The following IKZF2 variants were observed in gnomAD, a reference collection of about 807,000 sequenced individuals.
IKZF2 encodes the protein IKAROS family zinc finger 2.
IKZF2 carries 15 observed loss-of-function variants against 49.2 expected under a neutral mutation model. The observed-to-expected ratio is 0.30, with a 90% CI of 0.20 to 0.47. The LOEUF (loss-of-function observed/expected upper bound fraction) is 0.47. Among genes scored for constraint, IKZF2 ranks in the 20% least tolerant of loss-of-function variants. The probability of loss-of-function intolerance (pLI) is 1.00; values close to 1 mark genes in which losing one functional copy is unlikely to be tolerated. For missense variants in IKZF2, 567 were observed against 664.6 expected, an observed-to-expected ratio of 0.85 and a Z score of 1.61; for synonymous variants, 227 against 221.4, an observed-to-expected ratio of 1.03 and a Z score of -0.23.
At chr2:213,105,558 G>A (rs10497992) in intron 4 of IKZF2, among the ~76,000 whole-genome samples, 124,456 of 143,190 alleles carry the variant, frequency 0.87, 54,030 homozygotes, top group African/African-American at 0.91. Flanking sequence ...TTTATCTGGC[G>A]TATTTAAAGA....
At chr2:213,103,086 T>G (rs1706903543) in intron 4 of IKZF2, among the ~76,000 whole-genome samples, 1 of 152,188 alleles carries the variant, frequency 6.6e-6, no homozygotes, top group Non-Finnish European at 1.5e-5. Context: ...TAGAGGGGGC[T>G]TAAATATACA....
intron 4 of IKZF2, among the ~76,000 whole-genome samples, chr2:213,114,135 T>C (rs1166124488): frequency 6.6e-6 from 1 of 152,258 alleles, no homozygotes; most frequent in South Asian, 2.1e-4. Context: ...TCAGTGTTTA[T>C]ATTTGCTAAG....
At chr2:213,070,545 A>C (rs1400933685) in intron 4 of IKZF2, among the ~76,000 whole-genome samples, 2 of 152,106 alleles carry the variant, frequency 1.3e-5, no homozygotes, top group Non-Finnish European at 2.9e-5. Flanking sequence ...TAACAGAAAA[A>C]CAAATAAGCA....
Position 213,107,204 on chromosome 2 carries a change from C to T in IKZF2, c.139+40504G>A, listed in dbSNP as rs555910675. Among the ~76,000 whole-genome samples, 19 of 151,822 alleles carry T rather than the reference C, an allele frequency of 1.3e-4. No individual in the cohort carries two copies. The East Asian group carries it at 3.7e-3, about 29-fold the overall frequency. On this transcript the variant is annotated intron_variant, in intron 4 of 8. Coordinates refer to ENST00000434687, the MANE Select transcript of IKZF2 (RefSeq NM_001387220.1). ...AAGCACTCAGGCTGTTAACACAAGA[C>T]AAAAAAAATAATAGTCCTCAGAAGA... is the stretch of plus-strand genomic sequence containing the variant.
chr2:213,135,334 A>G (rs2060617976), intron 4 of IKZF2, among the ~76,000 whole-genome samples: 1 of 152,206 alleles, frequency 6.6e-6, no homozygotes, highest in Admixed American at 6.5e-5. Flanking sequence ...ACTTCATGCT[A>G]TGAATGAATA....
intron 4 of IKZF2, among the ~76,000 whole-genome samples, chr2:213,134,584 A>C (rs2060588174): frequency 6.6e-6 from 1 of 152,230 alleles, no homozygotes; most frequent in Non-Finnish European, 1.5e-5. Flanking sequence ...TAATTGGCTA[A>C]TTGTTCTAGA....
At position 213,089,946 on chromosome 2, in the gene IKZF2, G is replaced by C. The variant is rs552035815; in HGVS notation, c.140-32847C>G. ...TCAAGAGACACTTCCTGATACTCTGGGCACTAGCAGAGCTTCTTTAAGGCC... is the reference window on the plus strand; with the variant it reads ...TCAAGAGACACTTCCTGATACTCTGCGCACTAGCAGAGCTTCTTTAAGGCC... On this transcript the variant is annotated intron_variant, in intron 4 of 8. Coordinates refer to ENST00000434687, the MANE Select transcript of IKZF2 (RefSeq NM_001387220.1). Among the ~76,000 whole-genome samples, 45 of 152,210 alleles carry C rather than the reference G, an allele frequency of 3.0e-4. 1 individual carries two copies. Among genetic ancestry groups the C allele is most frequent in the African/African-American group, 1.0e-3 (42 of 41,546 alleles).
chr2:213,138,460 A>C (rs1332344585), intron 4 of IKZF2, among the ~76,000 whole-genome samples: 2 of 152,056 alleles, frequency 1.3e-5, no homozygotes, highest in Non-Finnish European at 2.9e-5. Context: ...GATTATTTCA[A>C]CAACTAAGAA....
chr2:213,052,445 A>C (rs1329520742), intron 5 of IKZF2, among the ~76,000 whole-genome samples: 1 of 152,068 alleles, frequency 6.6e-6, no homozygotes, highest in Non-Finnish European at 1.5e-5. Context: ...AATTATGAAT[A>C]AGTCTTGATA....
intron 6 of IKZF2, among the ~76,000 whole-genome samples, chr2:213,046,986 A>G (rs1243293574): frequency 1.3e-5 from 2 of 152,132 alleles, no homozygotes; most frequent in African/African-American, 2.4e-5. Flanking sequence ...ACAATTTTCC[A>G]GTGCTGAGAC....
chr2:213,036,379 C>G (rs1286097795), intron 6 of IKZF2, among the ~76,000 whole-genome samples: 1 of 152,128 alleles, frequency 6.6e-6, no homozygotes, highest in African/African-American at 2.4e-5. Context: ...TAATGCTTGT[C>G]ACAAAATAAG....
intron 4 of IKZF2, among the ~76,000 whole-genome samples, chr2:213,080,207 T>TAGATAGATAGATAG: frequency 6.6e-6 from 1 of 152,144 alleles, no homozygotes; most frequent in Non-Finnish European, 1.5e-5. Flanking sequence ...GATAGATAGA[T>TAGATAGATAGATAG]ATGGATATCT....
At chr2:213,107,850 T>C (rs1240827538) in intron 4 of IKZF2, among the ~76,000 whole-genome samples, 1 of 152,100 alleles carries the variant, frequency 6.6e-6, no homozygotes, top group African/African-American at 2.4e-5. Context: ...GAATTCGAAA[T>C]CAAAAGACCT....
intron 4 of IKZF2, among the ~76,000 whole-genome samples, chr2:213,124,401 A>T (rs549653601): frequency 6.6e-6 from 1 of 152,288 alleles, no homozygotes; most frequent in Admixed American, 6.5e-5. Flanking sequence ...CATTGTGCAG[A>T]AGGGGGAAAG....
intron 4 of IKZF2, among the ~76,000 whole-genome samples, chr2:213,058,049 A>C (rs4672669): frequency 6.6e-6 from 1 of 151,886 alleles, no homozygotes; most frequent in Non-Finnish European, 1.5e-5. Flanking sequence ...AGTCATATCA[A>C]AGTTACTAAG....
intron 4 of IKZF2, among the ~76,000 whole-genome samples, chr2:213,094,460 G>T (rs1265984738): frequency 2.0e-5 from 3 of 152,076 alleles, no homozygotes; most frequent in African/African-American, 7.2e-5. Context: ...AGTACTATTT[G>T]CTGGTGTACC....
At chr2:213,023,315 C>T (rs779560633) in intron 6 of IKZF2, among the ~76,000 whole-genome samples, 2 of 152,160 alleles carry the variant, frequency 1.3e-5, no homozygotes, top group Non-Finnish European at 2.9e-5. Flanking sequence ...GAAAGTTTCA[C>T]TGTACTGATG....
intron 4 of IKZF2, among the ~76,000 whole-genome samples, chr2:213,100,379 T>C (rs1706515088): frequency 6.6e-6 from 1 of 152,050 alleles, no homozygotes; most frequent in Admixed American, 6.6e-5. Flanking sequence ...GAATGATAGA[T>C]ATTGACTATT....
intron 4 of IKZF2, among the ~76,000 whole-genome samples, chr2:213,088,077 C>T (rs2125619149): frequency 6.6e-6 from 1 of 152,272 alleles, no homozygotes; most frequent in Middle Eastern, 3.4e-3. Flanking sequence ...TGAGGAATTG[C>T]CACACTGTCT....
Sources: allele counts gnomAD v4.1 joint callset (sites outside exome capture counted in the v4.1 genomes callset), GRCh38; gene constraint gnomAD v4.1.1; transcripts MANE v1.5; gene names NCBI Gene and HGNC (gene_info 2026-07-23, HGNC 2026-07-21).